The following ASIC2 variants were observed in gnomAD, a reference collection of about 807,000 sequenced individuals.
The protein encoded by ASIC2 is acid sensing ion channel subunit 2, also known as acid-sensing ion channel 2.
ASIC2 carries 25 observed loss-of-function variants against 57.3 expected under a neutral mutation model. The ratio of observed to expected loss-of-function variants is 0.44; its 90% CI spans 0.32 to 0.61. The LOEUF is 0.61. ASIC2 is among the 20% of genes least tolerant of loss of function. The pLI is 0.06. For synonymous variants in ASIC2, 319 were observed against 307.5 expected, an observed-to-expected ratio of 1.04 and a Z score of -0.39; for missense variants, 641 against 738.1, an observed-to-expected ratio of 0.87 and a Z score of 1.52.
chr17:33,989,378 T>C (rs1905931611), intron 1 of ASIC2, among the ~76,000 whole-genome samples: 1 of 151,698 alleles, frequency 6.6e-6, no homozygotes, highest in Non-Finnish European at 1.5e-5. Context: ...GTGACCGAGG[T>C]GCTTACACAA....
At chr17:34,000,649 A>G (rs749167797) in intron 1 of ASIC2, 1 of 152,186 alleles carries the variant, frequency 6.6e-6, no homozygotes, top group African/African-American at 2.4e-5. Context: ...TTATGTCACC[A>G]TTTATTAAAT....
In ASIC2 at chr17:33,093,232, A is replaced by G. The variant is rs1450137798; in HGVS notation, c.860-4242T>C. ...AATCTCAAGAGCATTAAACCAAGTG[A>G]GTGGCCCTTCTGATTGTGGGCCCTG... On this transcript the variant is annotated intron_variant, in intron 2 of 9. Coordinates refer to ENST00000225823, the MANE Select transcript of ASIC2 (RefSeq NM_183377.2). Among the ~76,000 whole-genome samples, 3 of 152,216 alleles carry G rather than the reference A, an allele frequency of 2.0e-5. No homozygotes were observed. The East Asian group carries it at 5.8e-4, about 29-fold the overall frequency.
At chr17:33,855,954 A>G (rs1913915889) in intron 1 of ASIC2, among the ~76,000 whole-genome samples, 1 of 152,180 alleles carries the variant, frequency 6.6e-6, no homozygotes, top group Admixed American at 6.5e-5. Flanking sequence ...AAAAAATGAT[A>G]AGGTCCTTAC....
intron 1 of ASIC2, among the ~76,000 whole-genome samples, chr17:33,867,866 G>T (rs1449196779): frequency 6.6e-6 from 1 of 152,210 alleles, no homozygotes; most frequent in Non-Finnish European, 1.5e-5. Flanking sequence ...TCACACCAGA[G>T]ATACAGCACT....
At chr17:33,549,779 G>T (rs1597780242) in intron 1 of ASIC2, among the ~76,000 whole-genome samples, 1 of 152,154 alleles carries the variant, frequency 6.6e-6, no homozygotes, top group Admixed American at 6.5e-5. Flanking sequence ...CCCAAAAGAG[G>T]TGGTCATCCT....
At chr17:33,325,190 A>G (rs1423676150) in intron 1 of ASIC2, among the ~76,000 whole-genome samples, 2 of 152,232 alleles carry the variant, frequency 1.3e-5, no homozygotes, top group African/African-American at 4.8e-5. Context: ...TCCAGTGAGG[A>G]AAGCAGACAA....
At chr17:34,035,913 G>A (rs1283507348) in intron 1 of ASIC2, among the ~76,000 whole-genome samples, 1 of 151,650 alleles carries the variant, frequency 6.6e-6, no homozygotes, top group Non-Finnish European at 1.5e-5. Flanking sequence ...GGAGAAATAG[G>A]AACACTTTTA....
chr17:34,035,338 G>A (rs1208322015), intron 1 of ASIC2, among the ~76,000 whole-genome samples: 1 of 144,862 alleles, frequency 6.9e-6, no homozygotes, highest in Non-Finnish European at 1.5e-5. Context: ...CATGTAGAAA[G>A]CTGAAACTGG....
chr17:34,083,266 T>C (rs987711349), intron 1 of ASIC2, among the ~76,000 whole-genome samples: 3 of 150,550 alleles, frequency 2.0e-5, no homozygotes, highest in African/African-American at 7.3e-5. Flanking sequence ...AGTGAGAATA[T>C]GCGGTGTTTG....
At chr17:33,782,340 A>C (rs952342811) in intron 1 of ASIC2, among the ~76,000 whole-genome samples, 1 of 148,946 alleles carries the variant, frequency 6.7e-6, no homozygotes, top group Non-Finnish European at 1.5e-5. Flanking sequence ...GTAAAGTATA[A>C]GGTTTAGATT....
intron 1 of ASIC2, among the ~76,000 whole-genome samples, chr17:33,754,573 C>T (rs562286533): frequency 6.6e-6 from 1 of 152,264 alleles, no homozygotes; most frequent in African/African-American, 2.4e-5. Context: ...TGTTCCTTCT[C>T]AGCATAACTC....
intron 1 of ASIC2, among the ~76,000 whole-genome samples, chr17:33,592,259 G>T (rs1054077552): frequency 1.3e-5 from 2 of 152,222 alleles, no homozygotes; most frequent in Non-Finnish European, 2.9e-5. Context: ...CCCCTGCTCT[G>T]TGTCCCAGTG....
At chr17:33,286,289 G>A (rs1004352708) in intron 1 of ASIC2, among the ~76,000 whole-genome samples, 1 of 152,200 alleles carries the variant, frequency 6.6e-6, no homozygotes, top group Admixed American at 6.5e-5. Context: ...CTCTTGCAGA[G>A]GGGGTTGGGC....
intron 1 of ASIC2, among the ~76,000 whole-genome samples, chr17:34,132,967 G>T (rs967232395): frequency 1.3e-5 from 2 of 152,216 alleles, no homozygotes; most frequent in South Asian, 4.2e-4. Context: ...AACCCATCGC[G>T]GCCTGTTTGG....
intron 3 of ASIC2, among the ~76,000 whole-genome samples, chr17:33,030,531 G>T (rs2091878706): frequency 6.6e-6 from 1 of 151,884 alleles, no homozygotes; most frequent in South Asian, 2.1e-4. Flanking sequence ...TTACCTTGCT[G>T]TATTAGCTAG....
chr17:33,260,942 A>G (rs1357547099), intron 1 of ASIC2, among the ~76,000 whole-genome samples: 2 of 152,136 alleles, frequency 1.3e-5, no homozygotes, highest in East Asian at 3.9e-4. Flanking sequence ...GATAGGAACC[A>G]CCTCTTCAGA....
intron 1 of ASIC2, among the ~76,000 whole-genome samples, chr17:33,524,740 ATTTG>A (rs1914838462): frequency 2.0e-5 from 3 of 151,848 alleles, no homozygotes; most frequent in Non-Finnish European, 4.4e-5. Context: ...AGTGTTATTT[ATTTG>A]TTTGTTTATT....
chr17:33,206,910 G>A (rs1002771028), intron 1 of ASIC2, among the ~76,000 whole-genome samples: 1 of 152,138 alleles, frequency 6.6e-6, no homozygotes, highest in African/African-American at 2.4e-5. Flanking sequence ...TGGTAGTGGA[G>A]AGCTCACGGG....
chr17:33,428,826 T>C (rs1312564336), intron 1 of ASIC2, among the ~76,000 whole-genome samples: 1 of 152,198 alleles, frequency 6.6e-6, no homozygotes, highest in African/African-American at 2.4e-5. Flanking sequence ...GTTCTCTTTG[T>C]AACTTATGAG....
Sources: allele counts gnomAD v4.1 joint callset (sites outside exome capture counted in the v4.1 genomes callset), GRCh38; gene constraint gnomAD v4.1.1; transcripts MANE v1.5; gene names NCBI Gene and HGNC (gene_info 2026-07-23, HGNC 2026-07-21).